Variants in AAMP observed in about 807,000 individuals in gnomAD.
AAMP encodes the protein angio-associated migratory cell protein.
Under a neutral mutation model 51.1 loss-of-function variants are expected in AAMP, and 12 were observed. The observed-to-expected ratio is 0.23, with a 90% CI of 0.15 to 0.38. The LOEUF (loss-of-function observed/expected upper bound fraction) is 0.38. AAMP is among the 10% of genes least tolerant of loss of function. The pLI, the probability that AAMP is intolerant of heterozygous loss-of-function variation, is 1.00. For synonymous variants in AAMP, 210 were observed against 218.7 expected (o/e 0.96, Z 0.35); for missense variants, 418 against 557.2 (o/e 0.75, Z 2.52).
At position 218,270,000 on chromosome 2, in the gene AAMP, C is replaced by T. The variant is rs769682937; in HGVS notation, c.87G>A (p.Glu29=). 6.2e-7 allele frequency: 1 copy of T among 1,614,132 alleles called. No homozygotes were observed. Among genetic ancestry groups the T allele is most frequent in the South Asian group, 1.1e-5 (1 of 91,080 alleles). ...LSFHGDEEII[E]VVELDPGPPD... ...GCGGACCGGGATCAAGTTCTACCAC[C>T]TCGATAATCTCTTCATCACCATGGA... Residue 29 remains glutamate, a synonymous_variant, in exon 1 of 11, where the codon GAG becomes GAA. Transcript: ENST00000248450.
Position 218,266,846 on chromosome 2 carries a change from C to T in AAMP, c.534+1G>A. 6.2e-7 allele frequency: 1 copy of T among 1,614,086 alleles called. No homozygotes were observed. The highest frequency in any genetic ancestry group is 8.5e-7 in the Non-Finnish European group (1 of 1,180,032). On this transcript the variant is annotated splice_donor_variant, in intron 4 of 10. Transcript: ENST00000248450. LOFTEE classifies it high-confidence loss of function. The surrounding 1 kb of genome is among the most constrained non-coding windows in gnomAD (Gnocchi z 4.7). Reference sequence around the variant, plus strand: ...GCTGACTCCCGCTCTGATGATCTTACCTCCAGGTCTCCCGCTTCAAAGGAC... The same window carrying T: ...GCTGACTCCCGCTCTGATGATCTTATCTCCAGGTCTCCCGCTTCAAAGGAC...
In AAMP at chr2:218,266,114, G is replaced by C. The variant is rs1230882472; in HGVS notation, c.713C>G (p.Thr238Ser). The change falls in exon 6 of 11, where the codon ACC becomes AGC. Residue 238 changes from threonine to serine, a missense_variant. Transcript: ENST00000248450. This position sits in a 1 kb window ranked among gnomAD's most constrained non-coding sequence, Gnocchi z 4.7. ...CTGCTTCAGGTCCCAAATCCTGATGGTCCCATCTTCATAGCCTACCACAGC... is the reference window on the plus strand; with the variant it reads ...CTGCTTCAGGTCCCAAATCCTGATGCTCCCATCTTCATAGCCTACCACAGC... ...KRAVVGYEDG[T>S]IRIWDLKQGS... 1 of 1,613,988 alleles carries C rather than the reference G, an allele frequency of 6.2e-7. No individual in the cohort carries two copies. Among genetic ancestry groups the C allele is most frequent in the Non-Finnish European group, 8.5e-7 (1 of 1,180,018 alleles).
Position 218,270,048 on chromosome 2 carries a change from G to T in AAMP, c.39C>A (p.Thr13=), listed in dbSNP as rs998661229. The T allele has an allele frequency of 1.9e-6, 3 of 1,614,108 alleles. No homozygotes were observed. Among genetic ancestry groups the T allele is most frequent in the Non-Finnish European group, 2.5e-6 (3 of 1,180,004 alleles). ...SESESGAAAD[T]PPLETLSFHG... ...GGAAGCTTAGGGTCTCCAGTGGGGGGGTGTCAGCAGCAGCCCCGCTTTCCG... is the reference window on the plus strand; with the variant it reads ...GGAAGCTTAGGGTCTCCAGTGGGGGTGTGTCAGCAGCAGCCCCGCTTTCCG... The change falls in exon 1 of 11, where the codon ACC becomes ACA. Residue 13 remains threonine (T), a synonymous_variant. Coordinates refer to ENST00000248450, the MANE Select transcript of AAMP (RefSeq NM_001087.5).
rs763198037 is a variant in AAMP, at chr2:218,265,175, C to G, written c.1075-1G>C. The G allele has an allele frequency of 6.3e-7, 1 of 1,581,470 alleles. No individual in the cohort carries two copies. The highest frequency in any genetic ancestry group is 1.2e-5 in the South Asian group (1 of 85,160). On this transcript the variant is annotated splice_acceptor_variant, in intron 9 of 10. Coordinates refer to ENST00000248450, the MANE Select transcript of AAMP (RefSeq NM_001087.5). LOFTEE classifies it high-confidence loss of function. The surrounding 1 kb of genome is among the most constrained non-coding windows in gnomAD (Gnocchi z 6.6). ...CCCACAGCAGCTGCACGATGCCCGA[C>G]TGCCCCGAGGAATGACAGAGGCAGG... is the stretch of plus-strand genomic sequence containing the variant.
In AAMP at chr2:218,269,503, G is replaced by A. The variant is rs781546576; in HGVS notation, c.153C>T (p.Asp51=). ...CCTCTTCCTCCTCTTCTTCCTCAAA[G>A]TCCACATCTTCCATCTCCTGGGCCA... The part of the protein sequence containing the change: ...DDLAQEMEDV[D]FEEEEEEEGN... Residue 51 remains aspartate (D), a synonymous_variant, in exon 2 of 11, where the codon GAC becomes GAT. Transcript: ENST00000248450. The A allele has an allele frequency of 9.3e-6, 15 of 1,614,164 alleles. No individual in the cohort carries two copies. In the South Asian group the frequency reaches 1.4e-4, roughly 15 times the overall value.
Position 218,265,768 on chromosome 2 carries a change from C to T in AAMP, c.879+63G>A. ...CGGTGGGGAGAGGAGACAGTGAAGA[C>T]CCAGGAAGGAAGGAGAGGAGTCGGG... On this transcript the variant is annotated intron_variant, in intron 7 of 10. Coordinates refer to ENST00000248450, the MANE Select transcript of AAMP (RefSeq NM_001087.5). This position sits in a 1 kb window ranked among gnomAD's most constrained non-coding sequence, Gnocchi z 6.6. 1 of 1,576,362 alleles carries T rather than the reference C, an allele frequency of 6.3e-7. No individual in the cohort carries two copies. Among genetic ancestry groups the T allele is most frequent in the Non-Finnish European group, 8.7e-7 (1 of 1,148,940 alleles).
intron 2 of AAMP, among the ~76,000 whole-genome samples, chr2:218,269,165 T>G (rs1196888056): frequency 1.3e-5 from 2 of 152,180 alleles, no homozygotes; most frequent in African/African-American, 4.8e-5. Context: ...ACTAAGAGGT[T>G]AATCAAGGTT....
intron 1 of AAMP, 142 bp downstream of exon 1, chr2:218,269,824 G>T: frequency 7.5e-7 from 1 of 1,339,330 alleles, no homozygotes; most frequent in African/African-American, 1.5e-5. Context: ...AACTAAGTGT[G>T]AGGGTGGGAG....
intron 1 of AAMP, 153 bp downstream of exon 1, chr2:218,269,813 G>A (rs1181674551): frequency 1.6e-6 from 2 of 1,279,878 alleles, no homozygotes; most frequent in Non-Finnish European, 2.2e-6. Context: ...CCAGGCCTGA[G>A]AACTAAGTGT....
At chr2:218,269,125 G>A (rs1173940773) in intron 2 of AAMP, among the ~76,000 whole-genome samples, 1 of 152,164 alleles carries the variant, frequency 6.6e-6, no homozygotes, top group Non-Finnish European at 1.5e-5. Flanking sequence ...GAGCCACCAC[G>A]CCCGGCCAAA....
chr2:218,267,052 T>C lies in AAMP; in HGVS notation c.395-66A>G. 1 of 1,584,764 alleles carries C rather than the reference T, an allele frequency of 6.3e-7. No individual in the cohort carries two copies. The highest frequency in any genetic ancestry group is 1.1e-5 in the South Asian group (1 of 89,258). On this transcript the variant is annotated intron_variant, in intron 3 of 10. Transcript: ENST00000248450. This position sits in a 1 kb window ranked among gnomAD's most constrained non-coding sequence, Gnocchi z 4.6. ...GGTACCTGGTGCTGGGGGCATGTGA[T>C]TCTGGTATCTGGCCCACTGAAAGGA...
At chr2:218,264,885 G>A (rs1690584931) in intron 10 of AAMP, 135 bp downstream of exon 10, 2 of 1,410,464 alleles carry the variant, frequency 1.4e-6, no homozygotes, top group South Asian at 1.2e-5. Flanking sequence ...ATGGGGGCTG[G>A]GCTGTGAACC....
chr2:218,269,144 T>C (rs1208271829), intron 2 of AAMP, among the ~76,000 whole-genome samples: 1 of 152,206 alleles, frequency 6.6e-6, no homozygotes, highest in East Asian at 1.9e-4. Context: ...AAGATAACTT[T>C]TTAAAAGAAA....
At chr2:218,268,844 G>A (rs554403784) in intron 2 of AAMP, among the ~76,000 whole-genome samples, 13 of 151,698 alleles carry the variant, frequency 8.6e-5, no homozygotes, top group South Asian at 8.3e-4. Flanking sequence ...GACTACAGGC[G>A]CCCGCTACCA....
rs771042635 is a variant in AAMP, at chr2:218,265,217, G to A, written c.1075-43C>T. On this transcript the variant is annotated intron_variant, in intron 9 of 10. Coordinates refer to ENST00000248450, the MANE Select transcript of AAMP (RefSeq NM_001087.5). This position sits in a 1 kb window ranked among gnomAD's most constrained non-coding sequence, Gnocchi z 6.6. ...AGAGGCAGGGCGGAGGTTGGCAGGA[G>A]AGCTGAGAGCCATCTGCTCCCAATT... 9 of 1,566,194 alleles carry A rather than the reference G, an allele frequency of 5.7e-6. No individual in the cohort carries two copies. The highest frequency in any genetic ancestry group is 4.4e-4 in the Middle Eastern group (2 of 4,590).
At chr2:218,269,919 G>A (rs762351053) in intron 1 of AAMP, 47 bp downstream of exon 1, 19 of 1,612,692 alleles carry the variant, frequency 1.2e-5, no homozygotes, top group Non-Finnish European at 1.4e-5. Flanking sequence ...TCAGAGGCCA[G>A]GGGTGAGCGT....
rs1173350731 is a variant in AAMP at position 218,266,609 on chromosome 2, G to A, written c.535-22C>T. 3.7e-6 allele frequency: 6 copies of A among 1,601,442 alleles called. No individual in the cohort carries two copies. Among genetic ancestry groups the A allele is most frequent in the Non-Finnish European group, 5.1e-6 (6 of 1,171,050 alleles). On this transcript the variant is annotated intron_variant, in intron 4 of 10. Coordinates refer to ENST00000248450, the MANE Select transcript of AAMP (RefSeq NM_001087.5). The surrounding 1 kb of genome is among the most constrained non-coding windows in gnomAD (Gnocchi z 4.7). ...TCCACTGGACAGGGAGGAAGGGGCA[G>A]CAGGGAGGCCCGTCACCCCATCCCA...
Position 218,265,212 on chromosome 2 carries a change from C to A in AAMP, c.1075-38G>T. Reference sequence around the variant, plus strand: ...ATGACAGAGGCAGGGCGGAGGTTGGCAGGAGAGCTGAGAGCCATCTGCTCC... The same window carrying A: ...ATGACAGAGGCAGGGCGGAGGTTGGAAGGAGAGCTGAGAGCCATCTGCTCC... On this transcript the variant is annotated intron_variant, in intron 9 of 10. Coordinates refer to ENST00000248450, the MANE Select transcript of AAMP (RefSeq NM_001087.5). This position sits in a 1 kb window ranked among gnomAD's most constrained non-coding sequence, Gnocchi z 6.6. 6.4e-7 allele frequency: 1 copy of A among 1,568,250 alleles called. No individual in the cohort carries two copies. The highest frequency in any genetic ancestry group is 8.6e-7 in the Non-Finnish European group (1 of 1,157,400).
Position 218,269,734 on chromosome 2 carries a change from A to C in AAMP, c.122-200T>G. ...AGAGACCGTGCGGTAAGGGAGGGCCAAGGGGATGATGGGAAGGGGGTGTGT... is the reference window on the plus strand; with the variant it reads ...AGAGACCGTGCGGTAAGGGAGGGCCCAGGGGATGATGGGAAGGGGGTGTGT... On this transcript the variant is annotated intron_variant, in intron 1 of 10. Transcript: ENST00000248450. 6.7e-6 allele frequency: 7 copies of C among 1,047,074 alleles called. No individual in the cohort carries two copies. In the South Asian group the frequency reaches 8.8e-5, roughly 13 times the overall value. 64.9% of individuals were successfully genotyped at this position (1,047,074 alleles called of 1,614,324 possible).
Sources: allele counts gnomAD v4.1 joint callset (sites outside exome capture counted in the v4.1 genomes callset), GRCh38; gene constraint gnomAD v4.1.1; non-coding constraint Gnocchi (gnomAD v3.1); transcripts MANE v1.5; gene names NCBI Gene and HGNC (gene_info 2026-07-23, HGNC 2026-07-21).